The following ADAMTS3 variants were observed in gnomAD, a reference collection of about 807,000 sequenced individuals.
The protein encoded by ADAMTS3 is A disintegrin and metalloproteinase with thrombospondin motifs 3.
A neutral mutation model predicts 129.0 loss-of-function variants in ADAMTS3; 73 were observed. The ratio of observed to expected loss-of-function variants is 0.57; its 90% CI spans 0.47 to 0.69. ADAMTS3 has a LOEUF of 0.69. ADAMTS3 is among the 30% of genes least tolerant of loss of function. ADAMTS3 has a pLI of 0.00. For synonymous variants in ADAMTS3, 477 were observed against 510.8 expected, an observed-to-expected ratio of 0.93 and a Z score of 0.89; for missense variants, 1,457 against 1,514.5, an observed-to-expected ratio of 0.96 and a Z score of 0.63.
At chr4:72,487,818 T>C (rs1286760409) in intron 3 of ADAMTS3, among the ~76,000 whole-genome samples, 1 of 152,020 alleles carries the variant, frequency 6.6e-6, no homozygotes, top group Non-Finnish European at 1.5e-5. Context: ...AATACAATCA[T>C]TCTCTCTACA....
chr4:72,384,306 C>T, intron 4 of ADAMTS3, among the ~76,000 whole-genome samples: 1 of 152,026 alleles, frequency 6.6e-6, no homozygotes, highest in East Asian at 1.9e-4. Context: ...TTTACAAATT[C>T]AAAAAGTTCA....
Position 72,403,934 on chromosome 4 carries a change from G to T in ADAMTS3, c.661+10881C>A, listed in dbSNP as rs553074475. 2.0e-5 allele frequency among the ~76,000 whole-genome samples: 3 copies of T among 152,124 alleles called. No homozygotes were observed. In the South Asian group the frequency reaches 6.2e-4, roughly 32 times the overall value. On this transcript the variant is annotated intron_variant, in intron 4 of 21. Coordinates refer to ENST00000286657, the MANE Select transcript of ADAMTS3 (RefSeq NM_014243.3). ...TAATAATCAGCCCTCAGAAATGGCT[G>T]GGAGGCTTTGAGTCAATGGAGAGAA...
At chr4:72,301,240 A>G (rs901032402) in intron 17 of ADAMTS3, among the ~76,000 whole-genome samples, 1 of 152,156 alleles carries the variant, frequency 6.6e-6, no homozygotes, top group South Asian at 2.1e-4. Context: ...AAAAAATTTC[A>G]TAACACCAAA....
At chr4:72,529,226 A>G (rs953057567) in intron 3 of ADAMTS3, among the ~76,000 whole-genome samples, 11 of 152,160 alleles carry the variant, frequency 7.2e-5, no homozygotes, top group Non-Finnish European at 1.6e-4. Context: ...CAGTAAACGA[A>G]GTAAGGAGTT....
chr4:72,560,565 CT>C (rs1319030840), intron 2 of ADAMTS3, among the ~76,000 whole-genome samples: 1 of 152,142 alleles, frequency 6.6e-6, no homozygotes, highest in Non-Finnish European at 1.5e-5. Context: ...AGCCATTATC[CT>C]CAGCAAACTA....
chr4:72,517,282 T>C (rs1720515178), intron 3 of ADAMTS3, among the ~76,000 whole-genome samples: 1 of 152,198 alleles, frequency 6.6e-6, no homozygotes, highest in African/African-American at 2.4e-5. Flanking sequence ...ATCAAGGATA[T>C]TGGTCTAAAA....
At chr4:72,288,924 AC>A in intron 20 of ADAMTS3, 56 bp from the exon 21 acceptor site, 1 of 43,060 alleles carries the variant, frequency 2.3e-5, no homozygotes, top group Non-Finnish European at 6.4e-5. Flanking sequence ...CCATGCACAT[AC>A]ACACACACAC....
chr4:72,455,675 T>A (rs1243290163), intron 3 of ADAMTS3, among the ~76,000 whole-genome samples: 1 of 148,352 alleles, frequency 6.7e-6, no homozygotes, highest in Non-Finnish European at 1.5e-5. Flanking sequence ...TTAAAAAGAT[T>A]ACCTTTCTTC....
At chr4:72,283,734 A>G in intron 21 of ADAMTS3, 30 bp from the exon 22 acceptor site, 1 of 1,501,912 alleles carries the variant, frequency 6.7e-7, no homozygotes, top group Non-Finnish European at 8.9e-7. Flanking sequence ...ATAAACTAAC[A>G]CTAGCATCTA....
intron 3 of ADAMTS3, among the ~76,000 whole-genome samples, chr4:72,451,965 C>G (rs977357879): frequency 1.6e-4 from 25 of 151,632 alleles, no homozygotes; most frequent in Non-Finnish European, 2.9e-4. Context: ...TGGTGGACAC[C>G]TGTAATCCAA....
intron 3 of ADAMTS3, among the ~76,000 whole-genome samples, chr4:72,532,491 GCACACACA>G (rs35399046): frequency 5.4e-5 from 8 of 148,676 alleles, no homozygotes; most frequent in South Asian, 2.2e-4. Flanking sequence ...AATTTAATAT[GCACACACA>G]CACACACACA....
chr4:72,285,798 A>G (rs1718490637), intron 21 of ADAMTS3, among the ~76,000 whole-genome samples: 2 of 151,872 alleles, frequency 1.3e-5, no homozygotes, highest in Admixed American at 1.3e-4. Context: ...TGGTACAATC[A>G]ATCAAAATAT....
chr4:72,429,522 A>G (rs1000256297), intron 3 of ADAMTS3, among the ~76,000 whole-genome samples: 6 of 152,056 alleles, frequency 3.9e-5, no homozygotes, highest in African/African-American at 1.4e-4. Flanking sequence ...GATCTTAGAC[A>G]TTATTCAAAA....
At chr4:72,362,815 T>C (rs1043755882) in intron 4 of ADAMTS3, among the ~76,000 whole-genome samples, 10 of 152,086 alleles carry the variant, frequency 6.6e-5, no homozygotes, top group Admixed American at 6.6e-4. Context: ...AAGTAGTAAA[T>C]AGGTCATATA....
rs528458339 is a variant in ADAMTS3, at chr4:72,539,394, C to T, written c.504+9084G>A. 1.4e-4 allele frequency among the ~76,000 whole-genome samples: 21 copies of T among 147,898 alleles called. 1 individual carries two copies. Among genetic ancestry groups the T allele is most frequent in the Middle Eastern group, 7.2e-3 (2 of 278 alleles). ...AATATACAAGTGGCCAACAGGCACA[C>T]GAAGAGATGTTCAACTTCACTAACC... On this transcript the variant is annotated intron_variant, in intron 3 of 21. Transcript: ENST00000286657.
intron 3 of ADAMTS3, among the ~76,000 whole-genome samples, chr4:72,418,847 C>A (rs555552614): frequency 1.3e-5 from 2 of 152,230 alleles, no homozygotes; most frequent in African/African-American, 4.8e-5. Context: ...TTAAGGCCCA[C>A]GTCATCTGCG....
chr4:72,304,178 C>A, intron 16 of ADAMTS3, 98 bp from the exon 17 acceptor site: 3 of 1,222,616 alleles, frequency 2.5e-6, no homozygotes, highest in South Asian at 1.4e-5. Flanking sequence ...AATCAATGAC[C>A]ATGTTTCTTT....
chr4:72,381,772 G>C (rs927220754), intron 4 of ADAMTS3, among the ~76,000 whole-genome samples: 1 of 113,582 alleles, frequency 8.8e-6, no homozygotes, highest in African/African-American at 3.6e-5. Context: ...CATTTTGCAG[G>C]AGTACAGCCC....
intron 3 of ADAMTS3, among the ~76,000 whole-genome samples, chr4:72,458,472 C>T (rs1048500954): frequency 6.6e-6 from 1 of 151,500 alleles, no homozygotes; most frequent in Non-Finnish European, 1.5e-5. Flanking sequence ...TAAAAATAGG[C>T]ATCTAAGAGG....
Sources: allele counts gnomAD v4.1 joint callset (sites outside exome capture counted in the v4.1 genomes callset), GRCh38; gene constraint gnomAD v4.1.1; transcripts MANE v1.5; gene names NCBI Gene and HGNC (gene_info 2026-07-23, HGNC 2026-07-21).